The following RPS6KA2 variants were observed in gnomAD, a reference collection of about 807,000 sequenced individuals.
RPS6KA2 encodes ribosomal protein S6 kinase alpha-2.
A neutral mutation model predicts 91.8 loss-of-function variants in RPS6KA2; 42 were observed. The ratio of observed to expected loss-of-function variants is 0.46; its 90% CI spans 0.36 to 0.59. The LOEUF is 0.59. RPS6KA2 is among the 20% of genes least tolerant of loss of function. The pLI, the probability that RPS6KA2 is intolerant of heterozygous loss-of-function variation, is 0.00. For synonymous variants in RPS6KA2, 414 were observed against 393.6 expected (o/e 1.05, Z -0.61); for missense variants, 798 against 978.5 (o/e 0.82, Z 2.46).
intron 3 of RPS6KA2, among the ~76,000 whole-genome samples, chr6:166,521,867 C>A (rs1782868540): frequency 6.6e-6 from 1 of 152,164 alleles, no homozygotes; most frequent in South Asian, 2.1e-4. Context: ...GAAACCTAAC[C>A]CCCAGTGTGA....
rs771933961 is a variant in RPS6KA2, at chr6:166,639,161, G to A, written c.124-100377C>T. Among the ~76,000 whole-genome samples, 1 of 152,138 alleles carries A rather than the reference G, an allele frequency of 6.6e-6. No individual in the cohort carries two copies. Among genetic ancestry groups the A allele is most frequent in the East Asian group, 1.9e-4 (1 of 5,196 alleles). On this transcript the variant is annotated intron_variant, in intron 2 of 21. Transcript: ENST00000503859. This position sits in a 1 kb window ranked among gnomAD's most constrained non-coding sequence, Gnocchi z 4.2. Reference sequence around the variant, plus strand: ...TAATGAAATGGCTGGGAAGGCAGTCGACTCCCAAATATGAGAATTTGTATC... The same window carrying A: ...TAATGAAATGGCTGGGAAGGCAGTCAACTCCCAAATATGAGAATTTGTATC...
chr6:166,587,633 G>GA (rs11432330), intron 1 of RPS6KA2, among the ~76,000 whole-genome samples: 75,346 of 145,764 alleles, frequency 0.52, 20,011 homozygotes, highest in East Asian at 0.79. Context: ...TCTGCCATTG[G>GA]AAAAAAAAAA....
rs551890899 is a variant in RPS6KA2, at chr6:166,819,785, A to G, written c.123+38415T>C. Among the ~76,000 whole-genome samples, 117 of 152,318 alleles carry G rather than the reference A, an allele frequency of 7.7e-4. 1 individual carries two copies. Among genetic ancestry groups the G allele is most frequent in the African/African-American group, 2.7e-3 (112 of 41,558 alleles). On this transcript the variant is annotated intron_variant, in intron 2 of 21. Coordinates refer to the RPS6KA2 transcript ENST00000503859. Reference sequence around the variant, plus strand: ...ATGGGTAGCACTTAGGTTGTTTTCAATAACTGGCTGTATGAATAATGCTGC... The same window carrying G: ...ATGGGTAGCACTTAGGTTGTTTTCAGTAACTGGCTGTATGAATAATGCTGC...
In RPS6KA2 at chr6:166,554,469, C is replaced by T. The variant is rs1050880248; in HGVS notation, c.100-15685G>A. On this transcript the variant is annotated intron_variant, in intron 1 of 20. Transcript: ENST00000265678. This position sits in a 1 kb window ranked among gnomAD's most constrained non-coding sequence, Gnocchi z 4.3. ...AGCTGCTGGCTGAATAAAAATCCCA[C>T]GGGAATTTCTGTTCCCTTTCTATTC... 3.3e-5 allele frequency among the ~76,000 whole-genome samples: 5 copies of T among 152,254 alleles called. No homozygotes were observed. The highest frequency in any genetic ancestry group is 1.2e-4 in the African/African-American group (5 of 41,468).
intron 1 of RPS6KA2, among the ~76,000 whole-genome samples, chr6:166,613,380 A>C (rs1786264861): frequency 6.6e-6 from 1 of 152,216 alleles, no homozygotes; most frequent in Non-Finnish European, 1.5e-5. Flanking sequence ...TTTCAAAACA[A>C]TTTTGTCTAC....
In RPS6KA2 at chr6:166,410,412, ACTT is replaced by A. The variant is rs1486724388; in HGVS notation, c.*2347_*2349del. The stretch of plus-strand genomic sequence containing the variant: ...GCTTAGTTTAACATATGATACCATA[ACTT>A]CTTTAGGCTGACTTTTGTGGAAGGA... On this transcript the variant is annotated 3_prime_UTR_variant, in exon 21 of 21. Coordinates refer to ENST00000265678, the MANE Select transcript of RPS6KA2 (RefSeq NM_021135.6). 3 of 152,574 alleles carry A rather than the reference ACTT, an allele frequency of 2.0e-5. No homozygotes were observed. Among genetic ancestry groups the A allele is most frequent in the African/African-American group, 7.2e-5 (3 of 41,436 alleles). The allele number at this position is 152,574 out of a possible 1,614,324, so 9.5% of individuals were successfully genotyped here.
chr6:166,592,438 A>T (rs188870741), intron 1 of RPS6KA2, among the ~76,000 whole-genome samples: 13 of 152,332 alleles, frequency 8.5e-5, no homozygotes, highest in Non-Finnish European at 1.5e-4. Context: ...CTCACTTTAC[A>T]TAAGGGAACT....
chr6:166,492,564 C>T lies in RPS6KA2; in HGVS notation c.748-1823G>A, dbSNP rs80239488. 2.5e-4 allele frequency among the ~76,000 whole-genome samples: 38 copies of T among 152,314 alleles called. No homozygotes were observed. In the East Asian group the frequency reaches 7.1e-3, roughly 29 times the overall value. On this transcript the variant is annotated intron_variant, in intron 8 of 20. Transcript: ENST00000265678. ...ATGAAATCCCATTTCCAAGGACAAG[C>T]CTTCTGGCTACATGAAATGAGAAAG...
intron 1 of RPS6KA2, among the ~76,000 whole-genome samples, chr6:166,859,799 G>A (rs563912441): frequency 6.6e-6 from 1 of 152,300 alleles, no homozygotes; most frequent in East Asian, 1.9e-4. Context: ...CATGAATCCA[G>A]GAATGCTGAT....
rs1789851685 is a variant in RPS6KA2 at position 166,711,507 on chromosome 6, C to A, written c.123+146693G>T. ...AAATGCTTCAACAAGCAATCACAAA[C>A]CAGCCTAAAACCAATGGAGAAACAG... On this transcript the variant is annotated intron_variant, in intron 2 of 21. Coordinates refer to the RPS6KA2 transcript ENST00000503859. 3.3e-5 allele frequency among the ~76,000 whole-genome samples: 5 copies of A among 151,046 alleles called. No homozygotes were observed. In the South Asian group the frequency reaches 1.0e-3, roughly 32 times the overall value.
At chr6:166,835,614 C>T (rs1256615251) in intron 2 of RPS6KA2, among the ~76,000 whole-genome samples, 1 of 152,194 alleles carries the variant, frequency 6.6e-6, no homozygotes, top group East Asian at 1.9e-4. Flanking sequence ...TGCAACCATC[C>T]TAAACACGTG....
chr6:166,465,029 G>A (rs1780468431), intron 11 of RPS6KA2, among the ~76,000 whole-genome samples: 1 of 152,202 alleles, frequency 6.6e-6, no homozygotes. Flanking sequence ...AAGATCTGCT[G>A]GCAGTATCGG....
chr6:166,706,862 T>A (rs1482980854), intron 2 of RPS6KA2, among the ~76,000 whole-genome samples: 1 of 152,200 alleles, frequency 6.6e-6, no homozygotes, highest in East Asian at 1.9e-4. Context: ...AAGAAGAGTC[T>A]TATTTTGACA....
rs553831396 is a variant in RPS6KA2 at position 166,478,056 on chromosome 6, T to A, written c.908-8151A>T. Among the ~76,000 whole-genome samples the A allele has an allele frequency of 1.3e-3, 197 of 152,308 alleles. 1 individual carries two copies. Among genetic ancestry groups the A allele is most frequent in the African/African-American group, 4.4e-3 (185 of 41,580 alleles). ...TCTCCTTTCTGACTCCAATTCGCAT[T>A]TCCAGGGGGAGGCCAAGCAGGGGAG... On this transcript the variant is annotated intron_variant, in intron 10 of 20. Coordinates refer to ENST00000265678, the MANE Select transcript of RPS6KA2 (RefSeq NM_021135.6).
intron 2 of RPS6KA2, 46 bp from the exon 3 acceptor site, chr6:166,531,359 C>T (rs1212405794): frequency 7.0e-7 from 1 of 1,431,080 alleles, no homozygotes; most frequent in Non-Finnish European, 9.9e-7. Flanking sequence ...AGACTTCAAA[C>T]TCGCTTTCCA....
chr6:166,424,962 T>C (rs570817165), intron 16 of RPS6KA2, among the ~76,000 whole-genome samples: 61 of 152,264 alleles, frequency 4.0e-4, no homozygotes, highest in Admixed American at 2.9e-3. Context: ...TGAAAACAAC[T>C]GAAAAGATGC....
At chr6:166,730,753 C>T (rs7750476) in intron 2 of RPS6KA2, among the ~76,000 whole-genome samples, 39,654 of 152,024 alleles carry the variant, frequency 0.26, 5,252 homozygotes, top group African/African-American at 0.33. Flanking sequence ...TCAAAGAATA[C>T]GCAAATTTAT....
chr6:166,541,280 G>A (rs1043515698), intron 1 of RPS6KA2, among the ~76,000 whole-genome samples: 2 of 152,238 alleles, frequency 1.3e-5, no homozygotes, highest in African/African-American at 2.4e-5. Context: ...GGCGAGGCAC[G>A]AGCTGGCCAG....
chr6:166,558,693 C>T (rs953310990), intron 1 of RPS6KA2, among the ~76,000 whole-genome samples: 3 of 152,200 alleles, frequency 2.0e-5, no homozygotes, highest in African/African-American at 4.8e-5. Context: ...ATGCTGTTAA[C>T]GGAAAAGGTT....
Sources: allele counts gnomAD v4.1 joint callset (sites outside exome capture counted in the v4.1 genomes callset), GRCh38; gene constraint gnomAD v4.1.1; non-coding constraint Gnocchi (gnomAD v3.1); transcripts MANE v1.5; gene names NCBI Gene and HGNC (gene_info 2026-07-23, HGNC 2026-07-21).